Variants in BMP3 observed in about 807,000 individuals in gnomAD.
BMP3 encodes bone morphogenetic protein 3.
BMP3 carries 23 observed loss-of-function variants against 38.1 expected under a neutral mutation model. That is an observed-to-expected ratio of 0.60 (90% confidence interval 0.43 to 0.86). The LOEUF is 0.86. Ranked by LOEUF, BMP3 falls within the 40% of genes least tolerant of loss-of-function variation. The pLI is 0.00. For synonymous variants in BMP3, 258 were observed against 225.7 expected, an observed-to-expected ratio of 1.14 and a Z score of -1.28; for missense variants, 628 against 579.6, an observed-to-expected ratio of 1.08 and a Z score of -0.86.
intron 1 of BMP3, among the ~76,000 whole-genome samples, chr4:81,040,584 A>G (rs1039658917): frequency 6.6e-6 from 1 of 152,286 alleles, no homozygotes; most frequent in Middle Eastern, 3.4e-3. Context: ...TAATTCTCAT[A>G]TCATTGCTAA....
chr4:81,036,145 T>C (rs7676769), intron 1 of BMP3, among the ~76,000 whole-genome samples: 1,618 of 152,120 alleles, frequency 0.011, 29 homozygotes, highest in African/African-American at 0.036. Flanking sequence ...TTTTCATCTA[T>C]AAGATTAATA....
Position 81,031,443 on chromosome 4 carries a change from A to T in BMP3, c.159A>T (p.Gln53His). Residue 53 changes from glutamine to histidine, a missense_variant, in exon 1 of 3, where the codon CAA becomes CAT. Gln to His is a conservative substitution (Grantham distance 24). Transcript: ENST00000282701. Reference protein sequence around the residue: ...GGGPDSELQPQDKVSEHMLRL... With the variant: ...GGGPDSELQPHDKVSEHMLRL... ...GCCCGGACTCCGAGCTGCAGCCGCA[A>T]GACAAGGTCTCTGAACACATGCTGC... 6.2e-7 allele frequency: 1 copy of T among 1,613,868 alleles called. No homozygotes were observed. The highest frequency in any genetic ancestry group is 8.5e-7 in the Non-Finnish European group (1 of 1,179,912).
rs147415195 is a variant in BMP3, at chr4:81,045,968, C to A, written c.547C>A (p.Leu183Met). 6.2e-7 allele frequency: 1 copy of A among 1,614,046 alleles called. No homozygotes were observed. Among genetic ancestry groups the A allele is most frequent in the Non-Finnish European group, 8.5e-7 (1 of 1,179,976 alleles). ...SRNQSQLLGHLSVDMAKSHRD... is the reference protein window; with the variant it reads ...SRNQSQLLGHMSVDMAKSHRD... ...AAACCAAAGTCAACTCCTTGGCCAT[C>A]TGTCAGTGGATATGGCCAAATCTCA... The change falls in exon 2 of 3, where the codon CTG becomes ATG. Residue 183 changes from leucine (L) to methionine (M), a missense_variant. Transcript: ENST00000282701.
chr4:81,037,738 A>T (rs1042743126), intron 1 of BMP3, among the ~76,000 whole-genome samples: 8 of 152,154 alleles, frequency 5.3e-5, no homozygotes, highest in South Asian at 2.1e-4. Flanking sequence ...CATCTGTGCA[A>T]TCTATGATAT....
At chr4:81,037,413 C>G (rs959995978) in intron 1 of BMP3, 5 of 232,554 alleles carry the variant, frequency 2.2e-5, no homozygotes, top group Non-Finnish European at 3.6e-5. Flanking sequence ...GTTAGGTGAT[C>G]TAACTTCCAT....
intron 1 of BMP3, among the ~76,000 whole-genome samples, chr4:81,042,280 C>A (rs1269425134): frequency 6.6e-6 from 1 of 152,142 alleles, no homozygotes; most frequent in Non-Finnish European, 1.5e-5. Context: ...TGGCTACATA[C>A]TATCATACTG....
At chr4:81,032,415 G>T (rs1274256662) in intron 1 of BMP3, among the ~76,000 whole-genome samples, 2 of 152,102 alleles carry the variant, frequency 1.3e-5, no homozygotes, top group African/African-American at 4.8e-5. Context: ...GGCTTAACAA[G>T]GTTTCTCCTA....
At chr4:81,052,214 G>A (rs1307880833) in intron 2 of BMP3, among the ~76,000 whole-genome samples, 2 of 152,072 alleles carry the variant, frequency 1.3e-5, no homozygotes, top group African/African-American at 4.8e-5. Context: ...TTTGGTCAAA[G>A]TCCTACTCCT....
chr4:81,030,995 C>G lies in BMP3; in HGVS notation c.-290C>G. 2.3e-6 allele frequency: 1 copy of G among 426,344 alleles called. No homozygotes were observed. Among genetic ancestry groups the G allele is most frequent in the South Asian group, 3.6e-5 (1 of 28,074 alleles). 26.4% of individuals were successfully genotyped at this position (426,344 alleles called of 1,614,324 possible). ...TTGAAAACACCCGGGCCACACACGC[C>G]GCGACCTACAGCTCTTTCTCAGCGT... On this transcript the variant is annotated 5_prime_UTR_variant, in exon 1 of 3. Coordinates refer to ENST00000282701, the MANE Select transcript of BMP3 (RefSeq NM_001201.5).
Position 81,057,320 on chromosome 4 carries a change from A to T in BMP3, c.*3784A>T, listed in dbSNP as rs1740601635. 1 of 152,050 alleles carries T rather than the reference A, an allele frequency of 6.6e-6. No individual in the cohort carries two copies. The highest frequency in any genetic ancestry group is 2.1e-4 in the South Asian group (1 of 4,828). The allele number at this position is 152,050 out of a possible 1,614,324, so 9.4% of individuals were successfully genotyped here. ...AATTTTCATCCTTAATTATGATAAT[A>T]CTTTTAGCAAGAAAAATTCCTTTTT... is the stretch of plus-strand genomic sequence containing the variant. On this transcript the variant is annotated 3_prime_UTR_variant, in exon 3 of 3. Transcript: ENST00000282701.
At chr4:81,033,718 G>A (rs1382876883) in intron 1 of BMP3, among the ~76,000 whole-genome samples, 1 of 152,160 alleles carries the variant, frequency 6.6e-6, no homozygotes, top group African/African-American at 2.4e-5. Context: ...TAATAAGGCA[G>A]GACTCTAGGA....
At chr4:81,032,909 G>A (rs550496957) in intron 1 of BMP3, among the ~76,000 whole-genome samples, 70 of 152,316 alleles carry the variant, frequency 4.6e-4, no homozygotes, top group African/African-American at 1.5e-3. Flanking sequence ...TGAGGAGAGC[G>A]CCACCAGTAA....
chr4:81,044,041 A>G (rs1286175464), intron 1 of BMP3, among the ~76,000 whole-genome samples: 2 of 152,210 alleles, frequency 1.3e-5, no homozygotes, highest in Non-Finnish European at 2.9e-5. Flanking sequence ...TTCTGATGAC[A>G]TGGGAGGTAG....
intron 1 of BMP3, among the ~76,000 whole-genome samples, chr4:81,039,207 C>A (rs1395089744): frequency 6.6e-6 from 1 of 152,174 alleles, no homozygotes; most frequent in Non-Finnish European, 1.5e-5. Context: ...GTCCTAGGCA[C>A]CCCTGGCATT....
chr4:81,045,699 T>C (rs763303416), intron 1 of BMP3, 39 bp from the exon 2 acceptor site: 2 of 1,462,888 alleles, frequency 1.4e-6, no homozygotes, highest in Non-Finnish European at 1.8e-6. Context: ...GTAATGGTCT[T>C]GTTTTCTCCT....
chr4:81,049,771 G>C (rs1038167251), intron 2 of BMP3, among the ~76,000 whole-genome samples: 1 of 152,172 alleles, frequency 6.6e-6, no homozygotes, highest in Admixed American at 6.5e-5. Flanking sequence ...TGCAACCAGA[G>C]TGAACTTTGT....
At position 81,055,120 on chromosome 4, in the gene BMP3, A is replaced by T. The variant is rs1367670578; in HGVS notation, c.*1584A>T. The T allele has an allele frequency of 1.3e-5, 2 of 152,228 alleles. No individual in the cohort carries two copies. The highest frequency in any genetic ancestry group is 2.9e-5 in the Non-Finnish European group (2 of 68,024). 9.4% of individuals were successfully genotyped at this position (152,228 alleles called of 1,614,324 possible). A position where few individuals can be genotyped will look rare whatever the true frequency, so the allele number is the denominator to read the frequency against. ...GCCATGAGCTGGAAGGGTTAAGTTT[A>T]TAATTCCAGCTATTTCACACCCGTC... On this transcript the variant is annotated 3_prime_UTR_variant, in exon 3 of 3. Transcript: ENST00000282701.
chr4:81,056,244 TACTC>T lies in BMP3; in HGVS notation c.*2709_*2712del, dbSNP rs1166200814. 1.3e-5 allele frequency: 2 copies of T among 151,840 alleles called. No individual in the cohort carries two copies. The highest frequency in any genetic ancestry group is 4.8e-5 in the African/African-American group (2 of 41,320). The allele number at this position is 151,840 out of a possible 1,614,324, so 9.4% of individuals were successfully genotyped here. The stretch of plus-strand genomic sequence containing the variant: ...ACTCCATTTGCTAAATCATGCATAA[TACTC>T]TCTCTCTCTCTTCCCCCACAAGTAA... On this transcript the variant is annotated 3_prime_UTR_variant, in exon 3 of 3. Transcript: ENST00000282701.
rs1740562892 is a variant in BMP3 at position 81,056,316 on chromosome 4, C to G, written c.*2780C>G. 1.3e-5 allele frequency: 2 copies of G among 151,250 alleles called. No individual in the cohort carries two copies. Among genetic ancestry groups the G allele is most frequent in the African/African-American group, 4.8e-5 (2 of 41,246 alleles). 9.4% of individuals were successfully genotyped at this position (151,250 alleles called of 1,614,324 possible). A position where few individuals can be genotyped will look rare whatever the true frequency, so the allele number is the denominator to read the frequency against. Reference sequence around the variant, plus strand: ...GTGTGCACACACACACACACACAGTCAGTTACTGAAAAAAATAATTCTTTT... The same window carrying G: ...GTGTGCACACACACACACACACAGTGAGTTACTGAAAAAAATAATTCTTTT... On this transcript the variant is annotated 3_prime_UTR_variant, in exon 3 of 3. Transcript: ENST00000282701.
Sources: gnomAD v4.1 joint callset for allele counts (sites outside exome capture counted in the v4.1 genomes callset) on GRCh38, gnomAD v4.1.1 for gene constraint, MANE v1.5 for transcripts, NCBI Gene and HGNC (gene_info 2026-07-23, HGNC 2026-07-21) for gene names.